ENPEP: variants seen among roughly 807,000 people sequenced by gnomAD.
ENPEP encodes the protein AP-A.
ENPEP carries 103 observed loss-of-function variants against 114.5 expected under a neutral mutation model. That is an observed-to-expected ratio of 0.90 (90% CI 0.77 to 1.06). The LOEUF (loss-of-function observed/expected upper bound fraction) is 1.06. Ranked by LOEUF, ENPEP falls within the 50% of genes least tolerant of loss-of-function variation. The pLI, the probability that ENPEP is intolerant of heterozygous loss-of-function variation, is 0.00. For missense variants in ENPEP, 1,196 were observed against 1,161.3 expected, an observed-to-expected ratio of 1.03 and a Z score of -0.43; for synonymous variants, 420 against 422.0, an observed-to-expected ratio of 1.00 and a Z score of 0.06.
chr4:110,496,929 T>G (rs559077520), intron 3 of ENPEP, among the ~76,000 whole-genome samples: 54 of 152,300 alleles, frequency 3.5e-4, no homozygotes, highest in African/African-American at 1.3e-3. Context: ...CAATCTTCTG[T>G]TTTTTAGAAG....
chr4:110,499,300 A>G (rs1455355596), intron 3 of ENPEP, among the ~76,000 whole-genome samples: 1 of 152,210 alleles, frequency 6.6e-6, no homozygotes, highest in East Asian at 1.9e-4. Flanking sequence ...AAATAACCCT[A>G]TGACATAAGT....
At chr4:110,546,640 C>T (rs752999069) in intron 13 of ENPEP, among the ~76,000 whole-genome samples, 3 of 152,010 alleles carry the variant, frequency 2.0e-5, no homozygotes, top group Non-Finnish European at 2.9e-5. Context: ...AGGTGAACAT[C>T]AGTCAAGCCA....
chr4:110,518,055 C>T (rs562768046), intron 8 of ENPEP, among the ~76,000 whole-genome samples: 1 of 152,134 alleles, frequency 6.6e-6, no homozygotes, highest in Non-Finnish European at 1.5e-5. Context: ...TATTAGCTAA[C>T]CTGGTGTGGA....
intron 3 of ENPEP, among the ~76,000 whole-genome samples, chr4:110,491,718 C>CTT (rs970695793): frequency 3.0e-4 from 20 of 66,052 alleles, no homozygotes; most frequent in Non-Finnish European, 4.2e-4. Context: ...TTCTTTCTTT[C>CTT]TTTTTTTTTT....
intron 3 of ENPEP, among the ~76,000 whole-genome samples, chr4:110,494,078 A>T (rs1724831886): frequency 6.6e-6 from 1 of 152,232 alleles, no homozygotes; most frequent in Non-Finnish European, 1.5e-5. Flanking sequence ...ATTCAAGAAT[A>T]TGATAGTCAT....
At chr4:110,515,490 T>C (rs1725730513) in intron 8 of ENPEP, 48 bp downstream of exon 8, 2 of 1,408,918 alleles carry the variant, frequency 1.4e-6, no homozygotes, top group Non-Finnish European at 2.0e-6. Context: ...TACATTGATA[T>C]GTGGCTGGTG....
intron 3 of ENPEP, among the ~76,000 whole-genome samples, chr4:110,501,177 C>A (rs2110346059): frequency 6.6e-6 from 1 of 152,218 alleles, no homozygotes; most frequent in Middle Eastern, 3.4e-3. Flanking sequence ...AATTAATGGG[C>A]TGTAGCTATA....
chr4:110,538,961 C>T (rs1032548616), intron 11 of ENPEP, among the ~76,000 whole-genome samples: 15 of 151,988 alleles, frequency 9.9e-5, no homozygotes, highest in Admixed American at 2.6e-4. Context: ...CAACACTTAC[C>T]GATTAAGTTC....
chr4:110,524,642 AC>A (rs1426868010), intron 10 of ENPEP, among the ~76,000 whole-genome samples: 1 of 152,242 alleles, frequency 6.6e-6, no homozygotes, highest in Non-Finnish European at 1.5e-5. Flanking sequence ...TAAAAATCAA[AC>A]CCTTAACAGG....
At chr4:110,531,118 T>C in intron 10 of ENPEP, 80 bp from the exon 11 acceptor site, 1 of 881,044 alleles carries the variant, frequency 1.1e-6, no homozygotes, top group South Asian at 2.2e-5. Context: ...TACTTGTCTA[T>C]TGCTTTTTAG....
At chr4:110,557,343 A>T (rs1015237225) in intron 18 of ENPEP, among the ~76,000 whole-genome samples, 1 of 152,212 alleles carries the variant, frequency 6.6e-6, no homozygotes, top group African/African-American at 2.4e-5. Context: ...AGGAACTAAG[A>T]GAAGAGATGT....
chr4:110,512,074 T>C (rs1172338851), intron 6 of ENPEP, among the ~76,000 whole-genome samples: 1 of 152,164 alleles, frequency 6.6e-6, no homozygotes, highest in Non-Finnish European at 1.5e-5. Flanking sequence ...CATTCATTCA[T>C]TCTTCATTCA....
chr4:110,565,127 C>A lies in ENPEP; in HGVS notation c.*3569C>A, dbSNP rs894317739. 1.3e-5 allele frequency: 2 copies of A among 152,216 alleles called. No homozygotes were observed. The highest frequency in any genetic ancestry group is 2.4e-5 in the African/African-American group (1 of 41,532). 9.4% of individuals were successfully genotyped at this position (152,216 alleles called of 1,614,324 possible). A position where few individuals can be genotyped will look rare whatever the true frequency, so the allele number is the denominator to read the frequency against. ...TTCCTCTACTTCAGGGTTTAGCGAC[C>A]TTTTGCCTGCCTGTTTTTGTAAGGC... is the stretch of plus-strand genomic sequence containing the variant. On this transcript the variant is annotated 3_prime_UTR_variant, in exon 20 of 20. Transcript: ENST00000265162.
chr4:110,483,608 A>G (rs1724396182), intron 1 of ENPEP, among the ~76,000 whole-genome samples: 1 of 152,164 alleles, frequency 6.6e-6, no homozygotes, highest in South Asian at 2.1e-4. Flanking sequence ...GGAAACGACT[A>G]AATTGCATAG....
chr4:110,538,860 A>G (rs1049929519), intron 11 of ENPEP, among the ~76,000 whole-genome samples: 1 of 152,016 alleles, frequency 6.6e-6, no homozygotes, highest in African/African-American at 2.4e-5. Context: ...CCCAAGGGGA[A>G]GGAGAGAGAA....
At chr4:110,523,549 A>G (rs1726085748) in intron 10 of ENPEP, among the ~76,000 whole-genome samples, 1 of 152,230 alleles carries the variant, frequency 6.6e-6, no homozygotes. Flanking sequence ...TGGTGTAAGA[A>G]ATAGATCTCC....
intron 3 of ENPEP, among the ~76,000 whole-genome samples, chr4:110,504,353 A>G (rs1364624491): frequency 6.6e-6 from 1 of 152,148 alleles, no homozygotes; most frequent in Non-Finnish European, 1.5e-5. Context: ...TAAAGCACTC[A>G]GGGTCTTTGA....
At chr4:110,551,186 G>T (rs1376631024) in intron 17 of ENPEP, among the ~76,000 whole-genome samples, 1 of 151,906 alleles carries the variant, frequency 6.6e-6, no homozygotes, top group East Asian at 1.9e-4. Flanking sequence ...ATTGTATCTG[G>T]TAAGAAAATT....
chr4:110,539,911 G>C (rs1726788992), intron 11 of ENPEP, among the ~76,000 whole-genome samples: 1 of 152,008 alleles, frequency 6.6e-6, no homozygotes, highest in Non-Finnish European at 1.5e-5. Context: ...TTAAAGAACT[G>C]TTACCTGTGC....
Sources: allele counts gnomAD v4.1 joint callset (sites outside exome capture counted in the v4.1 genomes callset), GRCh38; gene constraint gnomAD v4.1.1; transcripts MANE v1.5; gene names NCBI Gene and HGNC (gene_info 2026-07-23, HGNC 2026-07-21).